WWOX: variants seen among roughly 807,000 people sequenced by gnomAD.
WWOX encodes WW domain-containing oxidoreductase.
A neutral mutation model predicts 46.2 loss-of-function variants in WWOX; 69 were observed. The ratio of observed to expected loss-of-function variants is 1.49; its 90% CI spans 1.23 to 1.82. The LOEUF is 1.82. WWOX is among the 40% of genes most tolerant of loss of function. The probability of loss-of-function intolerance (pLI) is 0.00; values close to 1 mark genes in which losing one functional copy is unlikely to be tolerated. For synonymous variants in WWOX, 359 were observed against 202.6 expected (o/e 1.77, Z -6.56); for missense variants, 919 against 542.6 (o/e 1.69, Z -6.89).
chr16:78,620,334 A>G (rs180971980), intron 8 of WWOX, among the ~76,000 whole-genome samples: 186 of 152,336 alleles, frequency 1.2e-3, no homozygotes, highest in South Asian at 3.9e-3. Context: ...GAATCCCTGC[A>G]TTGTGCCTCC....
chr16:78,722,712 T>C (rs902298667), intron 8 of WWOX, among the ~76,000 whole-genome samples: 1 of 150,728 alleles, frequency 6.6e-6, no homozygotes, highest in Non-Finnish European at 1.5e-5. Flanking sequence ...TTTTTTTTTT[T>C]TTTTTTTTTC....
In WWOX at chr16:79,059,583, C is replaced by G. The variant is rs370975267; in HGVS notation, c.1057-152025C>G. Among the ~76,000 whole-genome samples the G allele has an allele frequency of 2.4e-3, 373 of 152,260 alleles. 3 individuals are homozygous for G. Among genetic ancestry groups the G allele is most frequent in the African/African-American group, 8.7e-3 (361 of 41,530 alleles). ...TCGGCTCACTGCAGCCTCCGCCTTC[C>G]GGGTTCAAGTGATGCTCCTGCCTCA... is the stretch of plus-strand genomic sequence containing the variant. On this transcript the variant is annotated intron_variant, in intron 8 of 8. Transcript: ENST00000566780.
intron 8 of WWOX, chr16:78,552,430 A>G (rs1011800389): frequency 5.3e-5 from 8 of 152,208 alleles, no homozygotes; most frequent in African/African-American, 1.9e-4. Context: ...CAGTTTATAC[A>G]GTTTTGTAAT....
rs1335466681 is a variant in WWOX at position 78,763,483 on chromosome 16, G to GC, written c.1056+330732dup. Among the ~76,000 whole-genome samples, 3 of 152,298 alleles carry GC rather than the reference G, an allele frequency of 2.0e-5. No homozygotes were observed. In the East Asian group the frequency reaches 5.8e-4, roughly 29 times the overall value. ...AAGACATTGGCTCTTTGGGATAGAG[G>GC]CACTTTTTGGGGGAGAGAAACATGA... is the stretch of plus-strand genomic sequence containing the variant. On this transcript the variant is annotated intron_variant, in intron 8 of 8. Coordinates refer to ENST00000566780, the MANE Select transcript of WWOX (RefSeq NM_016373.4).
At chr16:78,768,875 C>T (rs1241768916) in intron 8 of WWOX, among the ~76,000 whole-genome samples, 1 of 152,140 alleles carries the variant, frequency 6.6e-6, no homozygotes, top group Non-Finnish European at 1.5e-5. Context: ...CATGACCCGC[C>T]AATGCCGTTG....
intron 8 of WWOX, among the ~76,000 whole-genome samples, chr16:78,647,861 C>T (rs1029297548): frequency 2.6e-5 from 4 of 151,796 alleles, no homozygotes; most frequent in Non-Finnish European, 1.5e-5. Flanking sequence ...GATCCCAGCT[C>T]TTTTTTTCTC....
At chr16:78,653,231 C>G (rs187859022) in intron 8 of WWOX, among the ~76,000 whole-genome samples, 81 of 152,056 alleles carry the variant, frequency 5.3e-4, no homozygotes, top group African/African-American at 1.9e-3. Context: ...TAAGATTACA[C>G]CATGTAAATG....
chr16:78,310,016 A>G (rs529489745), intron 5 of WWOX, among the ~76,000 whole-genome samples: 11 of 152,010 alleles, frequency 7.2e-5, no homozygotes, highest in Non-Finnish European at 1.2e-4. Context: ...CGCTCCTGTG[A>G]TCTGCACAAT....
intron 8 of WWOX, among the ~76,000 whole-genome samples, chr16:79,011,526 C>A (rs866652700): frequency 1.3e-5 from 2 of 149,492 alleles, no homozygotes; most frequent in Non-Finnish European, 3.0e-5. Context: ...GGGTCTTAAT[C>A]TGTCCCCCAG....
chr16:79,000,494 CAG>C (rs143864393), intron 8 of WWOX, among the ~76,000 whole-genome samples: 1,616 of 152,244 alleles, frequency 0.011, 29 homozygotes, highest in African/African-American at 0.037. Context: ...GGGTCATAAT[CAG>C]AGAGGTGGCT....
intron 8 of WWOX, chr16:78,552,796 G>C (rs559405596): frequency 1.3e-5 from 2 of 151,974 alleles, no homozygotes; most frequent in East Asian, 1.9e-4. Flanking sequence ...TTCTCCCTCT[G>C]TTCTCTCTGT....
At chr16:78,733,484 A>G (rs1377492096) in intron 8 of WWOX, among the ~76,000 whole-genome samples, 1 of 151,622 alleles carries the variant, frequency 6.6e-6, no homozygotes, top group African/African-American at 2.4e-5. Flanking sequence ...ATGGTGGCTC[A>G]TGCCTGTAAT....
chr16:78,466,618 T>C (rs1247511672), intron 8 of WWOX, among the ~76,000 whole-genome samples: 1 of 152,002 alleles, frequency 6.6e-6, no homozygotes, highest in Non-Finnish European at 1.5e-5. Context: ...TCACTTGAGG[T>C]CAGGAGTTCG....
At chr16:78,994,969 C>CTTTTTTTTTTTTTTTTTTTTTT (rs869088414) in intron 8 of WWOX, among the ~76,000 whole-genome samples, 24 of 114,644 alleles carry the variant, frequency 2.1e-4, no homozygotes, top group Non-Finnish European at 3.2e-4. Flanking sequence ...TCTTCTTCTT[C>CTTTTTTTTTTTTTTTTTTTTTT]TTTTTTTTTT....
intron 8 of WWOX, among the ~76,000 whole-genome samples, chr16:78,630,517 C>T (rs191077545): frequency 6.6e-6 from 1 of 152,176 alleles, no homozygotes; most frequent in East Asian, 1.9e-4. Context: ...ATACATTTCT[C>T]TGGTAGACAA....
At position 78,765,250 on chromosome 16, in the gene WWOX, G is replaced by C. The variant is rs2049900023; in HGVS notation, c.1056+332498G>C. Among the ~76,000 whole-genome samples the C allele has an allele frequency of 1.3e-5, 2 of 152,232 alleles. 1 individual carries two copies. The highest frequency in any genetic ancestry group is 1.3e-4 in the Admixed American group (2 of 15,284). ...CGAGCAAAGGCAGAAAGTCCAGGAAGTGTCAGGAATGAGAAGAGCCCAGTA... is the reference window on the plus strand; with the variant it reads ...CGAGCAAAGGCAGAAAGTCCAGGAACTGTCAGGAATGAGAAGAGCCCAGTA... On this transcript the variant is annotated intron_variant, in intron 8 of 8. Coordinates refer to ENST00000566780, the MANE Select transcript of WWOX (RefSeq NM_016373.4).
chr16:78,265,853 G>C (rs902311336), intron 5 of WWOX: 2 of 151,872 alleles, frequency 1.3e-5, no homozygotes, highest in Non-Finnish European at 2.9e-5. Flanking sequence ...TTAATAAATT[G>C]TCTATCCTGT....
At chr16:78,444,815 C>T (rs1036809687) in intron 8 of WWOX, among the ~76,000 whole-genome samples, 5 of 152,124 alleles carry the variant, frequency 3.3e-5, no homozygotes, top group Non-Finnish European at 7.3e-5. Context: ...CAGGCGTGAG[C>T]CACCGCACCC....
At chr16:78,463,717 C>G (rs570157234) in intron 8 of WWOX, among the ~76,000 whole-genome samples, 71 of 152,262 alleles carry the variant, frequency 4.7e-4, no homozygotes, top group Non-Finnish European at 9.4e-4. Flanking sequence ...TCACTCTGCT[C>G]CATAAAACTT....
Sources: allele counts gnomAD v4.1 joint callset (sites outside exome capture counted in the v4.1 genomes callset), GRCh38; gene constraint gnomAD v4.1.1; transcripts MANE v1.5; gene names NCBI Gene and HGNC (gene_info 2026-07-23, HGNC 2026-07-21).